NXPH1: variants seen among roughly 807,000 people sequenced by gnomAD.
The protein encoded by NXPH1 is neurexophilin 1, also known as neurexophilin-1.
In NXPH1, 5 loss-of-function variants were observed where a neutral mutation model predicts 23.7. The ratio of observed to expected loss-of-function variants is 0.21; its 90% CI spans 0.11 to 0.44. The LOEUF is 0.44. Ranked by LOEUF, NXPH1 falls within the 20% of genes least tolerant of loss-of-function variation. The probability of loss-of-function intolerance (pLI) is 0.99; values close to 1 mark genes in which losing one functional copy is unlikely to be tolerated. For synonymous variants in NXPH1, 144 were observed against 122.2 expected (o/e 1.18, Z -1.18); for missense variants, 324 against 321.6 (o/e 1.01, Z -0.06).
intron 2 of NXPH1, among the ~76,000 whole-genome samples, chr7:8,712,007 T>C (rs942207913): frequency 6.6e-6 from 1 of 152,208 alleles, no homozygotes; most frequent in East Asian, 1.9e-4. Context: ...CTAGAAATTC[T>C]TCTTGATCAG....
chr7:8,542,358 T>A (rs1001072935), intron 2 of NXPH1, among the ~76,000 whole-genome samples: 1 of 151,698 alleles, frequency 6.6e-6, no homozygotes, highest in East Asian at 2.0e-4. Flanking sequence ...AGAACTTTTA[T>A]AGCAGTGAGA....
At chr7:8,638,378 A>AT (rs1437484644) in intron 2 of NXPH1, among the ~76,000 whole-genome samples, 2 of 152,208 alleles carry the variant, frequency 1.3e-5, no homozygotes, top group Non-Finnish European at 2.9e-5. Context: ...ACTGGGGAGA[A>AT]TTAGAATCCT....
chr7:8,660,858 T>C (rs544475972), intron 2 of NXPH1, among the ~76,000 whole-genome samples: 12 of 152,334 alleles, frequency 7.9e-5, no homozygotes, highest in African/African-American at 2.4e-4. Flanking sequence ...ATTTGTCTTT[T>C]ATTTATCAAA....
chr7:8,440,362 G>A (rs1167285450), intron 2 of NXPH1, among the ~76,000 whole-genome samples: 2 of 152,206 alleles, frequency 1.3e-5, no homozygotes, highest in Middle Eastern at 3.2e-3. Flanking sequence ...CTTTAGAGAA[G>A]CTGACTTTAG....
At chr7:8,588,506 T>G (rs1290090016) in intron 2 of NXPH1, among the ~76,000 whole-genome samples, 1 of 152,172 alleles carries the variant, frequency 6.6e-6, no homozygotes, top group Non-Finnish European at 1.5e-5. Context: ...ATTGGCCTTC[T>G]CTTGCACAAC....
At position 8,703,365 on chromosome 7, in the gene NXPH1, T is replaced by C. The variant is rs114527800; in HGVS notation, c.55-47643T>C. On this transcript the variant is annotated intron_variant, in intron 2 of 2. Coordinates refer to ENST00000405863, the MANE Select transcript of NXPH1 (RefSeq NM_152745.3). ...TCTCAGTCCCCTAATTTAATACCTG[T>C]GAAATCACTTCCCTAAGTTATATGC... 8.6e-3 allele frequency among the ~76,000 whole-genome samples: 1,312 copies of C among 152,250 alleles called. 18 individuals are homozygous for C. The highest frequency in any genetic ancestry group is 0.03 in the African/African-American group (1,263 of 41,542).
chr7:8,455,075 A>G (rs1489889898), intron 2 of NXPH1, among the ~76,000 whole-genome samples: 1 of 152,172 alleles, frequency 6.6e-6, no homozygotes, highest in African/African-American at 2.4e-5. Context: ...AGAGGGCTAC[A>G]TGTTTGTGTC....
intron 2 of NXPH1, among the ~76,000 whole-genome samples, chr7:8,660,749 A>G (rs1178125240): frequency 1.3e-5 from 2 of 152,202 alleles, no homozygotes; most frequent in African/African-American, 2.4e-5. Flanking sequence ...AAAGATTCAC[A>G]ATCTTTCCAA....
intron 2 of NXPH1, among the ~76,000 whole-genome samples, chr7:8,455,381 C>T (rs1399423452): frequency 6.6e-6 from 1 of 152,076 alleles, no homozygotes; most frequent in African/African-American, 2.4e-5. Context: ...TGTATTGTGT[C>T]TTGGTGCATA....
chr7:8,439,966 A>C (rs1760096303), intron 2 of NXPH1, among the ~76,000 whole-genome samples: 1 of 152,240 alleles, frequency 6.6e-6, no homozygotes, highest in Non-Finnish European at 1.5e-5. Context: ...AAAATAAACA[A>C]AATAAAATAA....
chr7:8,731,600 G>A (rs572030277), intron 2 of NXPH1, among the ~76,000 whole-genome samples: 8 of 152,210 alleles, frequency 5.3e-5, no homozygotes, highest in African/African-American at 1.9e-4. Context: ...GTACTCGGCT[G>A]TGTGAGGTGT....
chr7:8,531,065 C>G (rs1382415820), intron 2 of NXPH1, among the ~76,000 whole-genome samples: 1 of 152,156 alleles, frequency 6.6e-6, no homozygotes, highest in Non-Finnish European at 1.5e-5. Flanking sequence ...TGCTCTGGCA[C>G]TGAACAGAGA....
intron 2 of NXPH1, among the ~76,000 whole-genome samples, chr7:8,595,724 T>C (rs1169754140): frequency 1.3e-5 from 2 of 152,060 alleles, no homozygotes; most frequent in African/African-American, 4.8e-5. Flanking sequence ...TGTGTGAGTG[T>C]GTGTCTGTGT....
At chr7:8,516,263 C>T (rs1817685546) in intron 2 of NXPH1, among the ~76,000 whole-genome samples, 1 of 152,034 alleles carries the variant, frequency 6.6e-6, no homozygotes. Context: ...TCCGCAATTT[C>T]TCATGCTTTA....
intron 2 of NXPH1, among the ~76,000 whole-genome samples, chr7:8,680,437 T>A (rs1356849384): frequency 6.6e-6 from 1 of 152,190 alleles, no homozygotes; most frequent in East Asian, 1.9e-4. Context: ...AACCTAAGAT[T>A]GTAGATTGCA....
At chr7:8,546,757 A>G (rs1235638736) in intron 2 of NXPH1, among the ~76,000 whole-genome samples, 1 of 151,382 alleles carries the variant, frequency 6.6e-6, no homozygotes, top group Non-Finnish European at 1.5e-5. Context: ...TCTAGGTTTC[A>G]GTGAACTGTC....
At chr7:8,583,941 G>A (rs770458089) in intron 2 of NXPH1, among the ~76,000 whole-genome samples, 7 of 152,160 alleles carry the variant, frequency 4.6e-5, no homozygotes, top group South Asian at 2.1e-4. Context: ...GGCATACAGT[G>A]AGAACACAGT....
chr7:8,688,838 T>C (rs1038676740), intron 2 of NXPH1, among the ~76,000 whole-genome samples: 2 of 152,198 alleles, frequency 1.3e-5, no homozygotes, highest in Admixed American at 1.3e-4. Flanking sequence ...AGAAAGTAAT[T>C]GATAAATGTT....
intron 2 of NXPH1, among the ~76,000 whole-genome samples, chr7:8,583,485 T>C (rs139168568): frequency 0.011 from 1,607 of 152,326 alleles, 27 homozygotes; most frequent in African/African-American, 0.035. Context: ...CCTAACAGAT[T>C]GTAAGCATTC....
Sources: gnomAD v4.1 joint callset for allele counts (sites outside exome capture counted in the v4.1 genomes callset) on GRCh38, gnomAD v4.1.1 for gene constraint, MANE v1.5 for transcripts, NCBI Gene and HGNC (gene_info 2026-07-23, HGNC 2026-07-21) for gene names.